FBXW7: variants seen among roughly 807,000 people sequenced by gnomAD.
The protein encoded by FBXW7 is F-box/WD repeat-containing protein 7.
A neutral mutation model predicts 86.3 loss-of-function variants in FBXW7; 11 were observed. The ratio of observed to expected loss-of-function variants is 0.13; its 90% confidence interval spans 0.08 to 0.21. The LOEUF (loss-of-function observed/expected upper bound fraction) is 0.21. FBXW7 is among the 10% of genes least tolerant of loss of function. The pLI, the probability that FBXW7 is intolerant of heterozygous loss-of-function variation, is 1.00. For missense variants in FBXW7, 488 were observed against 847.4 expected, an observed-to-expected ratio of 0.58 and a Z score of 5.27; for synonymous variants, 313 against 297.9, an observed-to-expected ratio of 1.05 and a Z score of -0.52.
chr4:152,495,795 A>G (rs969341116), intron 2 of FBXW7, among the ~76,000 whole-genome samples: 1 of 152,148 alleles, frequency 6.6e-6, no homozygotes, highest in African/African-American at 2.4e-5. Context: ...AAATATAAAG[A>G]CATAGGCTTA....
intron 2 of FBXW7, among the ~76,000 whole-genome samples, chr4:152,428,173 A>T (rs1319715577): frequency 6.6e-6 from 1 of 152,150 alleles, no homozygotes; most frequent in Non-Finnish European, 1.5e-5. Context: ...TCTCGTTTCT[A>T]CTGACACCAT....
At chr4:152,533,126 G>A (rs1355682384) in intron 2 of FBXW7, among the ~76,000 whole-genome samples, 1 of 151,724 alleles carries the variant, frequency 6.6e-6, no homozygotes, top group Non-Finnish European at 1.5e-5. Flanking sequence ...GGAGGCGGAG[G>A]TTGCAGTGAG....
At chr4:152,328,045 A>G (rs1353944766) in intron 11 of FBXW7, among the ~76,000 whole-genome samples, 163 bp downstream of exon 11, 1 of 151,978 alleles carries the variant, frequency 6.6e-6, no homozygotes, top group Non-Finnish European at 1.5e-5. Flanking sequence ...ACCAATTTTA[A>G]GACAAAACGC....
Position 152,332,730 on chromosome 4 carries a change from A to T in FBXW7, c.862-11T>A, listed in dbSNP as rs755450836. Reference sequence around the variant, plus strand: ...CACATAGAGTGCCAACTAAGAAAAAAATGCATAGTATAATACCCATATTTA... The same window carrying T: ...CACATAGAGTGCCAACTAAGAAAAATATGCATAGTATAATACCCATATTTA... On this transcript the variant is annotated splice_polypyrimidine_tract_variant and intron_variant, in intron 7 of 13. Coordinates refer to ENST00000281708, the MANE Select transcript of FBXW7 (RefSeq NM_001349798.2). The T allele has an allele frequency of 3.9e-6, 6 of 1,533,178 alleles. No homozygotes were observed. In the Admixed American group the frequency reaches 1.0e-4, roughly 27 times the overall value. The allele number at this position is 1,533,178 out of a possible 1,614,324, so 95.0% of individuals were successfully genotyped here.
intron 4 of FBXW7, among the ~76,000 whole-genome samples, chr4:152,370,960 A>G (rs1189875765): frequency 6.6e-6 from 1 of 151,210 alleles, no homozygotes; most frequent in Non-Finnish European, 1.5e-5. Flanking sequence ...CCCTACTTTA[A>G]TAATTTTACC....
intron 2 of FBXW7, among the ~76,000 whole-genome samples, chr4:152,429,525 G>A (rs980301693): frequency 6.6e-5 from 10 of 152,178 alleles, no homozygotes; most frequent in Admixed American, 2.0e-4. Context: ...ATGGCATCAC[G>A]TCACTGTCAC....
intron 4 of FBXW7, among the ~76,000 whole-genome samples, chr4:152,402,137 T>G (rs1736993950): frequency 6.6e-6 from 1 of 152,078 alleles, no homozygotes; most frequent in Non-Finnish European, 1.5e-5. Flanking sequence ...CAAATAATAA[T>G]AAGACTATTA....
At chr4:152,414,859 T>C (rs1738286559) in intron 2 of FBXW7, among the ~76,000 whole-genome samples, 1 of 152,074 alleles carries the variant, frequency 6.6e-6, no homozygotes, top group Non-Finnish European at 1.5e-5. Flanking sequence ...AAATTTAAAA[T>C]AGGTTACTTA....
At chr4:152,328,053 C>G (rs565017466) in intron 11 of FBXW7, among the ~76,000 whole-genome samples, 155 bp downstream of exon 11, 1 of 151,842 alleles carries the variant, frequency 6.6e-6, no homozygotes, top group African/African-American at 2.4e-5. Context: ...TAAGACAAAA[C>G]GCTATGGCTT....
chr4:152,499,472 A>C (rs1232363980), intron 2 of FBXW7, among the ~76,000 whole-genome samples: 2 of 152,194 alleles, frequency 1.3e-5, no homozygotes, highest in East Asian at 3.8e-4. Flanking sequence ...CTATGCTTCC[A>C]ATCAAGATCC....
At chr4:152,445,662 C>A (rs1741305675) in intron 2 of FBXW7, among the ~76,000 whole-genome samples, 1 of 152,062 alleles carries the variant, frequency 6.6e-6, no homozygotes, top group Non-Finnish European at 1.5e-5. Flanking sequence ...AATCCCAACA[C>A]CTTGGGAGGC....
intron 6 of FBXW7, 147 bp downstream of exon 6, chr4:152,346,783 C>A: frequency 9.2e-7 from 1 of 1,087,330 alleles, no homozygotes; most frequent in South Asian, 1.7e-5. Context: ...CCTTTTGTGT[C>A]TGGCTTCTTT....
chr4:152,338,643 G>A (rs1159685092), intron 6 of FBXW7, among the ~76,000 whole-genome samples: 1 of 151,874 alleles, frequency 6.6e-6, no homozygotes, highest in African/African-American at 2.4e-5. Context: ...TCCTTTAAAT[G>A]ACATCAGGGG....
At chr4:152,396,197 T>C (rs1736405432) in intron 4 of FBXW7, among the ~76,000 whole-genome samples, 1 of 151,952 alleles carries the variant, frequency 6.6e-6, no homozygotes, top group Non-Finnish European at 1.5e-5. Context: ...TTCATATTCA[T>C]ACTAACCTGC....
At chr4:152,386,468 CTAT>C (rs755793823) in intron 4 of FBXW7, among the ~76,000 whole-genome samples, 7 of 152,032 alleles carry the variant, frequency 4.6e-5, no homozygotes, top group Non-Finnish European at 4.4e-5. Flanking sequence ...ATTACTACTA[CTAT>C]TAATGGAATC....
At chr4:152,343,771 C>T (rs1037237972) in intron 6 of FBXW7, among the ~76,000 whole-genome samples, 1 of 152,038 alleles carries the variant, frequency 6.6e-6, no homozygotes, top group African/African-American at 2.4e-5. Flanking sequence ...AATCTGACTG[C>T]CATACAAAGT....
intron 2 of FBXW7, chr4:152,530,563 G>A (rs999882714): frequency 3.3e-5 from 5 of 152,092 alleles, no homozygotes; most frequent in East Asian, 1.9e-4. Flanking sequence ...GTATCACCCC[G>A]ACCCTCAATC....
intron 4 of FBXW7, among the ~76,000 whole-genome samples, chr4:152,362,368 T>C (rs1472139690): frequency 6.6e-6 from 1 of 152,170 alleles, no homozygotes; most frequent in Non-Finnish European, 1.5e-5. Flanking sequence ...AATTCAAAGC[T>C]AGCAAAAGGA....
rs974106180 is a variant in FBXW7, at chr4:152,449,286, T to C, written c.-119-36757A>G. ...TTCAATCTTATTATTCAATCTACAA[T>C]ACAAAAATATAGGCCTAAGTATTTT... On this transcript the variant is annotated intron_variant, in intron 2 of 13. Coordinates refer to ENST00000281708, the MANE Select transcript of FBXW7 (RefSeq NM_001349798.2). Among the ~76,000 whole-genome samples the C allele has an allele frequency of 2.2e-4, 33 of 152,310 alleles. 1 individual carries two copies. The highest frequency in any genetic ancestry group is 7.7e-4 in the African/African-American group (32 of 41,554).
Sources: gnomAD v4.1 joint callset for allele counts (sites outside exome capture counted in the v4.1 genomes callset) on GRCh38, gnomAD v4.1.1 for gene constraint, MANE v1.5 for transcripts, NCBI Gene and HGNC (gene_info 2026-07-23, HGNC 2026-07-21) for gene names.